The following DIS3L2 variants were observed in gnomAD, a reference collection of about 807,000 sequenced individuals.
The protein encoded by DIS3L2 is DIS3 like 3'-5' exoribonuclease 2, also known as DIS3-like exonuclease 2.
In DIS3L2, 34 loss-of-function variants were observed where a neutral mutation model predicts 97.5. The observed-to-expected ratio is 0.35, with a 90% CI of 0.27 to 0.46. DIS3L2 has a LOEUF of 0.46. Among genes scored for constraint, DIS3L2 ranks in the 20% least tolerant of loss-of-function variants. DIS3L2 has a pLI of 1.00. For missense variants in DIS3L2, 1,038 were observed against 1,146.0 expected (o/e 0.91, Z 1.36); for synonymous variants, 435 against 445.2 (o/e 0.98, Z 0.29).
rs192142513 is a variant in DIS3L2 at position 232,183,099 on chromosome 2, C to G, written c.1124+19467C>G. Among the ~76,000 whole-genome samples, 435 of 152,330 alleles carry G rather than the reference C, an allele frequency of 2.9e-3. 1 individual carries two copies. Among genetic ancestry groups the G allele is most frequent in the Non-Finnish European group, 4.7e-3 (323 of 68,026 alleles). ...AAAAAGAAGCATGAGAAAGAAACCT[C>G]ACCCCTTTCACCATGTGAGAACATA... On this transcript the variant is annotated intron_variant, in intron 9 of 20. Transcript: ENST00000325385.
Position 232,333,867 on chromosome 2 carries a change from C to T in DIS3L2, c.2038C>T (p.Leu680=), listed in dbSNP as rs1258690881. 1.9e-6 allele frequency: 3 copies of T among 1,612,494 alleles called. No individual in the cohort carries two copies. The African/African-American group carries it at 4.0e-5, about 22-fold the overall frequency. ...QMALYFCSGL[L]QDPAQFRHYA... ...GGCACTGTACTTCTGCTCGGGGCTGCTGCAGGACCCAGCGCAGTTCCGGCA... is the reference window on the plus strand; with the variant it reads ...GGCACTGTACTTCTGCTCGGGGCTGTTGCAGGACCCAGCGCAGTTCCGGCA... Residue 680 remains leucine, a synonymous_variant, in exon 17 of 21, where the codon CTG becomes TTG. Coordinates refer to ENST00000325385, the MANE Select transcript of DIS3L2 (RefSeq NM_152383.5).
chr2:232,247,638 GGGGGGA>G (rs1230821530), intron 11 of DIS3L2, among the ~76,000 whole-genome samples: 6 of 81,908 alleles, frequency 7.3e-5, no homozygotes, highest in Non-Finnish European at 1.2e-4. Flanking sequence ...GGGGGGGGCG[GGGGGGA>G]GGGTGCCAAT....
chr2:232,032,965 G>T (rs1694853424), intron 5 of DIS3L2, among the ~76,000 whole-genome samples: 1 of 152,056 alleles, frequency 6.6e-6, no homozygotes, highest in African/African-American at 2.4e-5. Context: ...GATTGTCTTG[G>T]CTATATGGGC....
intron 6 of DIS3L2, among the ~76,000 whole-genome samples, chr2:232,094,792 CTT>C (rs1696955898): frequency 1.3e-5 from 2 of 151,106 alleles, no homozygotes; most frequent in Non-Finnish European, 2.9e-5. Flanking sequence ...CTCTCTCTCT[CTT>C]TAGCTCTAGT....
At chr2:232,086,748 C>T (rs1332093881) in intron 5 of DIS3L2, among the ~76,000 whole-genome samples, 3 of 149,748 alleles carry the variant, frequency 2.0e-5, no homozygotes, top group South Asian at 4.2e-4. Context: ...GGTGCCATCT[C>T]GGCTCGCTGC....
In DIS3L2 at chr2:232,336,715, T is replaced by G; in HGVS notation, c.*85T>G. The G allele has an allele frequency of 1.3e-6, 2 of 1,509,838 alleles. No homozygotes were observed. The highest frequency in any genetic ancestry group is 1.8e-6 in the Non-Finnish European group (2 of 1,140,554). The allele number at this position is 1,509,838 out of a possible 1,614,324, so 93.5% of individuals were successfully genotyped here. ...GACCTGTTGACACGGAGGGGGGTTT[T>G]TAATTTGGTTTTTAACAACTCAGGG... On this transcript the variant is annotated 3_prime_UTR_variant, in exon 21 of 21. Coordinates refer to ENST00000325385, the MANE Select transcript of DIS3L2 (RefSeq NM_152383.5).
At chr2:232,181,596 T>C (rs1691270646) in intron 9 of DIS3L2, among the ~76,000 whole-genome samples, 1 of 152,188 alleles carries the variant, frequency 6.6e-6, no homozygotes, top group African/African-American at 2.4e-5. Context: ...TTTCTTCCAG[T>C]TGATCGCATC....
At chr2:232,286,026 A>C (rs2106306456) in intron 13 of DIS3L2, among the ~76,000 whole-genome samples, 1 of 152,304 alleles carries the variant, frequency 6.6e-6, no homozygotes, top group Non-Finnish European at 1.5e-5. Context: ...ATGTATCCAG[A>C]CTGTCAGAAG....
intron 9 of DIS3L2, among the ~76,000 whole-genome samples, chr2:232,197,872 A>G (rs1409204243): frequency 6.6e-6 from 1 of 151,938 alleles, no homozygotes; most frequent in Admixed American, 6.6e-5. Flanking sequence ...AGGCAGGAGA[A>G]TCACTTGAAC....
intron 6 of DIS3L2, among the ~76,000 whole-genome samples, chr2:232,107,638 A>G (rs1237304303): frequency 6.6e-6 from 1 of 152,132 alleles, no homozygotes; most frequent in African/African-American, 2.4e-5. Flanking sequence ...GGTGTAGGAT[A>G]CAGTGAGCCG....
intron 14 of DIS3L2, 28 bp from the exon 15 acceptor site, chr2:232,329,785 T>TCCCGGGGGGGA: frequency 4.1e-6 from 4 of 967,144 alleles, no homozygotes; most frequent in Non-Finnish European, 5.8e-6. Flanking sequence ...ACCCCAGCGG[T>TCCCGGGGGGGA]CCCTCCCATC....
At chr2:232,257,950 T>G (rs1187316793) in intron 12 of DIS3L2, among the ~76,000 whole-genome samples, 1 of 152,208 alleles carries the variant, frequency 6.6e-6, no homozygotes, top group East Asian at 1.9e-4. Flanking sequence ...CTTAGGAGTT[T>G]GTATGACTTT....
chr2:232,341,131 A>T (rs1295538948), downstream of DIS3L2: 1 of 361,600 alleles, frequency 2.8e-6, no homozygotes, highest in African/African-American at 2.1e-5. Context: ...CTCTCAACAG[A>T]TACATGTCCC....
rs151228899 is a variant in DIS3L2, at chr2:232,226,491, A to G, written c.1205-12042A>G. ...TGAAGATTATTCATTTAATCAAGAA[A>G]TAGTTGAGTGTATTTATATGCCAGC... On this transcript the variant is annotated intron_variant, in intron 10 of 20. Coordinates refer to ENST00000325385, the MANE Select transcript of DIS3L2 (RefSeq NM_152383.5). Among the ~76,000 whole-genome samples, 223 of 152,342 alleles carry G rather than the reference A, an allele frequency of 1.5e-3. 3 individuals are homozygous for G. Among genetic ancestry groups the G allele is most frequent in the African/African-American group, 5.2e-3 (218 of 41,580 alleles).
At chr2:232,149,359 C>A (rs1690332868) in intron 8 of DIS3L2, among the ~76,000 whole-genome samples, 1 of 110,886 alleles carries the variant, frequency 9.0e-6, no homozygotes, top group African/African-American at 3.6e-5. Flanking sequence ...CCCCCGACCC[C>A]ACCACAGTCC....
intron 1 of DIS3L2, among the ~76,000 whole-genome samples, chr2:232,014,590 C>T (rs1231419482): frequency 6.6e-6 from 1 of 152,080 alleles, no homozygotes; most frequent in African/African-American, 2.4e-5. Context: ...ACATCATTGC[C>T]CCATTTGTGG....
intron 1 of DIS3L2, among the ~76,000 whole-genome samples, chr2:232,005,863 G>C (rs923460155): frequency 1.3e-5 from 2 of 152,198 alleles, no homozygotes; most frequent in African/African-American, 4.8e-5. Flanking sequence ...AGATTATAGA[G>C]CTGCAGTGAG....
intron 16 of DIS3L2, among the ~76,000 whole-genome samples, chr2:232,332,391 G>C (rs1695764459): frequency 6.6e-6 from 1 of 152,202 alleles, no homozygotes; most frequent in South Asian, 2.1e-4. Context: ...GGAGCCGGCT[G>C]TCTGTCTGGC....
In DIS3L2 at chr2:232,334,364, C is replaced by T. The variant is rs769706204; in HGVS notation, c.2159-5C>T. 3.7e-6 allele frequency: 6 copies of T among 1,613,044 alleles called. No homozygotes were observed. Among genetic ancestry groups the T allele is most frequent in the Admixed American group, 1.7e-5 (1 of 59,994 alleles). ...CCACTCTCATGCCTCACCCCCTCTT[C>T]CCAGGCTATAGGGAGCGACTAGACA... On this transcript the variant is annotated splice_region_variant and splice_polypyrimidine_tract_variant and intron_variant, in intron 17 of 20. Transcript: ENST00000325385.
Sources: gnomAD v4.1 joint callset for allele counts (sites outside exome capture counted in the v4.1 genomes callset) on GRCh38, gnomAD v4.1.1 for gene constraint, MANE v1.5 for transcripts, NCBI Gene and HGNC (gene_info 2026-07-23, HGNC 2026-07-21) for gene names.